MALRD1: variants seen among roughly 807,000 people sequenced by gnomAD.
The protein encoded by MALRD1 is MAM and LDL-receptor class A domain-containing protein 1.
MALRD1 carries 247 observed loss-of-function variants against 242.1 expected under a neutral mutation model. That is an observed-to-expected ratio of 1.02 (90% CI 0.92 to 1.13). The LOEUF (loss-of-function observed/expected upper bound fraction) is 1.13, where lower values mean the gene tolerates loss of function less well. MALRD1 is among the 50% of genes most tolerant of loss of function. The pLI is 0.00. For missense variants in MALRD1, 2,989 were observed against 2,533.1 expected (o/e 1.18, Z -3.86); for synonymous variants, 995 against 866.6 (o/e 1.15, Z -2.60).
intron 14 of MALRD1, among the ~76,000 whole-genome samples, chr10:19,178,659 A>G (rs1835363963): frequency 6.6e-6 from 1 of 152,186 alleles, no homozygotes; most frequent in Non-Finnish European, 1.5e-5. Flanking sequence ...GCTAGTGTTG[A>G]TGAAATAATT....
intron 18 of MALRD1, among the ~76,000 whole-genome samples, chr10:19,235,576 C>CGAGAG (rs1564488759): frequency 5.2e-5 from 3 of 57,324 alleles, no homozygotes; most frequent in East Asian, 7.3e-4. Context: ...CACCCACACC[C>CGAGAG]ACAGAGAGAG....
intron 21 of MALRD1, among the ~76,000 whole-genome samples, chr10:19,315,542 A>T (rs1842643401): frequency 1.6e-5 from 2 of 122,470 alleles, no homozygotes; most frequent in South Asian, 4.8e-4. Context: ...ATATAAATAT[A>T]TAAAAATATA....
chr10:19,530,166 TTAA>T (rs1190573067), intron 31 of MALRD1, among the ~76,000 whole-genome samples: 2 of 150,832 alleles, frequency 1.3e-5, no homozygotes, highest in African/African-American at 4.9e-5. Context: ...GCAAAAAAGG[TTAA>T]TAATACACAA....
Position 19,347,986 on chromosome 10 carries a change from C to T in MALRD1, c.4117C>T (p.Pro1373Ser), listed in dbSNP as rs1310778575. Reference protein sequence around the residue: ...QPMRAARISSPVISKRSKNCK... With the variant: ...QPMRAARISSSVISKRSKNCK... ...CATGAGAGCTGCCAGAATTTCAAGT[C>T]CAGTTATAAGTAAGAGAAGCAAAAA... Residue 1373 changes from proline to serine, a missense_variant, in exon 25 of 40, where the codon CCA becomes TCA. Coordinates refer to ENST00000454679, the MANE Select transcript of MALRD1 (RefSeq NM_001142308.3). 1.0e-5 allele frequency: 16 copies of T among 1,550,330 alleles called. No individual in the cohort carries two copies. Among genetic ancestry groups the T allele is most frequent in the Non-Finnish European group, 1.4e-5 (16 of 1,146,824 alleles).
At chr10:19,436,489 A>G (rs941721656) in intron 28 of MALRD1, among the ~76,000 whole-genome samples, 2 of 152,090 alleles carry the variant, frequency 1.3e-5, no homozygotes, top group Non-Finnish European at 2.9e-5. Flanking sequence ...CCATCCCCTA[A>G]CCATTTAATT....
intron 28 of MALRD1, among the ~76,000 whole-genome samples, chr10:19,444,595 G>A (rs754064102): frequency 3.0e-4 from 46 of 152,198 alleles, no homozygotes; most frequent in African/African-American, 1.1e-3. Context: ...ATGAAATTCT[G>A]GGTTGAAAAT....
At chr10:19,266,523 T>A (rs1387040003) in intron 19 of MALRD1, among the ~76,000 whole-genome samples, 1 of 151,904 alleles carries the variant, frequency 6.6e-6, no homozygotes, top group African/African-American at 2.4e-5. Context: ...TTTATGTTTT[T>A]AATTTCACAA....
intron 33 of MALRD1, among the ~76,000 whole-genome samples, chr10:19,584,413 T>C (rs961015699): frequency 9.9e-5 from 15 of 151,862 alleles, no homozygotes; most frequent in African/African-American, 2.9e-4. Context: ...CCAGAGATTC[T>C]GGTATGTTGT....
At chr10:19,291,311 T>G (rs1371357634) in intron 21 of MALRD1, 1 of 152,140 alleles carries the variant, frequency 6.6e-6, no homozygotes, top group East Asian at 1.9e-4. Context: ...AAAATGGAGA[T>G]TAAAGACCAC....
chr10:19,237,565 A>T, intron 18 of MALRD1, among the ~76,000 whole-genome samples: 1 of 116,542 alleles, frequency 8.6e-6, no homozygotes, highest in Non-Finnish European at 1.7e-5. Context: ...ATTACACATA[A>T]AATTATATAT....
intron 5 of MALRD1, among the ~76,000 whole-genome samples, chr10:19,117,610 A>G (rs1341238452): frequency 1.3e-5 from 2 of 152,186 alleles, no homozygotes; most frequent in East Asian, 3.9e-4. Flanking sequence ...GGTAATCGTT[A>G]TTGTGCAATC....
chr10:19,523,408 G>C (rs1455737847), intron 31 of MALRD1, among the ~76,000 whole-genome samples: 1 of 152,122 alleles, frequency 6.6e-6, no homozygotes, highest in African/African-American at 2.4e-5. Context: ...TGAAGTCAAA[G>C]CTCTTTTATA....
chr10:19,730,656 A>G (rs981039968), intron 38 of MALRD1, 50 bp from the exon 39 acceptor site: 15 of 1,495,634 alleles, frequency 1.0e-5, no homozygotes, highest in Middle Eastern at 1.7e-4. Flanking sequence ...AAAATGTACT[A>G]TGGTAAATGT....
intron 36 of MALRD1, among the ~76,000 whole-genome samples, chr10:19,679,387 C>T (rs1311258091): frequency 6.6e-6 from 1 of 151,928 alleles, no homozygotes; most frequent in Admixed American, 6.6e-5. Flanking sequence ...TCCGTCTTGG[C>T]AGGGTGTATG....
intron 18 of MALRD1, among the ~76,000 whole-genome samples, chr10:19,250,965 A>G (rs1444320415): frequency 6.6e-6 from 1 of 151,850 alleles, no homozygotes; most frequent in East Asian, 1.9e-4. Flanking sequence ...TATTATTATT[A>G]TTATTTACTC....
chr10:19,226,874 C>A (rs1776984190), intron 18 of MALRD1, among the ~76,000 whole-genome samples: 1 of 151,838 alleles, frequency 6.6e-6, no homozygotes, highest in African/African-American at 2.4e-5. Flanking sequence ...TATACACAAT[C>A]AACACCAATT....
At chr10:19,210,581 T>A (rs1362911709) in intron 18 of MALRD1, among the ~76,000 whole-genome samples, 1 of 152,242 alleles carries the variant, frequency 6.6e-6, no homozygotes, top group Non-Finnish European at 1.5e-5. Flanking sequence ...CTGGCTAAAC[T>A]TTTTTTGCAT....
intron 30 of MALRD1, among the ~76,000 whole-genome samples, chr10:19,494,042 A>G (rs573452437): frequency 1.3e-5 from 2 of 152,258 alleles, no homozygotes; most frequent in African/African-American, 4.8e-5. Flanking sequence ...CATTCAGGGC[A>G]TTAAGAGGGA....
At chr10:19,373,402 C>T (rs996284224) in intron 26 of MALRD1, among the ~76,000 whole-genome samples, 1 of 151,866 alleles carries the variant, frequency 6.6e-6, no homozygotes, top group African/African-American at 2.4e-5. Flanking sequence ...GCCTGTAATT[C>T]CAGCTACTCT....
Sources: gnomAD v4.1 joint callset for allele counts (sites outside exome capture counted in the v4.1 genomes callset) on GRCh38, gnomAD v4.1.1 for gene constraint, MANE v1.5 for transcripts, NCBI Gene and HGNC (gene_info 2026-07-23, HGNC 2026-07-21) for gene names.